The following ALDH2 variants were observed in gnomAD, a reference collection of about 807,000 sequenced individuals.
ALDH2 encodes aldehyde dehydrogenase 2 family member, also known as aldehyde dehydrogenase, mitochondrial.
ALDH2 carries 44 observed loss-of-function variants against 59.6 expected under a neutral mutation model. The observed-to-expected ratio is 0.74, with a 90% confidence interval of 0.58 to 0.95. The LOEUF is 0.95. Ranked by LOEUF, ALDH2 falls within the 40% of genes least tolerant of loss-of-function variation. The probability of loss-of-function intolerance (pLI) is 0.00; values close to 1 mark genes in which losing one functional copy is unlikely to be tolerated. For missense variants in ALDH2, 570 were observed against 696.3 expected (o/e 0.82, Z 2.04); for synonymous variants, 291 against 284.0 (o/e 1.02, Z -0.25).
intron 1 of ALDH2, among the ~76,000 whole-genome samples, chr12:111,773,922 T>C (rs1282972897): frequency 6.6e-6 from 1 of 152,206 alleles, no homozygotes; most frequent in Non-Finnish European, 1.5e-5. Context: ...GGTAAAGGGT[T>C]GCTTAATGAG....
chr12:111,768,351 G>A (rs892355696), intron 1 of ALDH2, among the ~76,000 whole-genome samples: 1 of 152,238 alleles, frequency 6.6e-6, no homozygotes, highest in African/African-American at 2.4e-5. Flanking sequence ...CCTGAGTGTG[G>A]CTGCAAATCT....
At chr12:111,789,721 A>G in intron 4 of ALDH2, 102 bp from the exon 5 acceptor site, 1 of 984,030 alleles carries the variant, frequency 1.0e-6, no homozygotes, top group South Asian at 1.5e-5. Context: ...GACAGTTTTC[A>G]GAAAGACTCA....
Position 111,783,231 on chromosome 12 carries a change from C to T in ALDH2, c.293C>T (p.Ala98Val). Residue 98 changes from alanine (A) to valine (V), a missense_variant, in exon 3 of 13, where the codon GCA becomes GTA. Physicochemically the swap from Ala to Val is moderately conservative, Grantham distance 64. Coordinates refer to ENST00000261733, the MANE Select transcript of ALDH2 (RefSeq NM_000690.4). ...QLGSPWRRMD[A>V]SHRGRLLNRL... is the part of the protein sequence containing the mutation. ...GGCTCACCTTGGCGCCGCATGGACGCATCACACAGGGGCCGGCTGCTGAAC... is the reference window on the plus strand; with the variant it reads ...GGCTCACCTTGGCGCCGCATGGACGTATCACACAGGGGCCGGCTGCTGAAC... The T allele has an allele frequency of 6.2e-6, 10 of 1,613,566 alleles. No individual in the cohort carries two copies. Among genetic ancestry groups the T allele is most frequent in the Non-Finnish European group, 7.6e-6 (9 of 1,179,754 alleles).
At chr12:111,788,258 G>A (rs1277630384) in intron 4 of ALDH2, among the ~76,000 whole-genome samples, 1 of 152,128 alleles carries the variant, frequency 6.6e-6, no homozygotes, top group East Asian at 1.9e-4. Flanking sequence ...TTCACAACAG[G>A]TGCACACAGC....
At position 111,784,265 on chromosome 12, in the gene ALDH2, TGTG is replaced by T. The variant is rs2068294407; in HGVS notation, c.360+971_360+973del. On this transcript the variant is annotated intron_variant, in intron 3 of 12. Coordinates refer to ENST00000261733, the MANE Select transcript of ALDH2 (RefSeq NM_000690.4). ...GGAGTTCAAGGCTGCAGTGAGCTGT[TGTG>T]GTGCCACTGCGCTCCAGCCTGGGCA... Among the ~76,000 whole-genome samples, 6 of 152,220 alleles carry T rather than the reference TGTG, an allele frequency of 3.9e-5. No individual in the cohort carries two copies. In the South Asian group the frequency reaches 1.2e-3, roughly 32 times the overall value.
chr12:111,776,299 C>T (rs1209132698), intron 1 of ALDH2, among the ~76,000 whole-genome samples: 1 of 152,188 alleles, frequency 6.6e-6, no homozygotes, highest in Non-Finnish European at 1.5e-5. Context: ...TACGAGAGAG[C>T]TGCAGGATCT....
intron 5 of ALDH2, 75 bp from the exon 6 acceptor site, chr12:111,790,359 G>A: frequency 6.3e-7 from 1 of 1,595,646 alleles, no homozygotes; most frequent in Non-Finnish European, 8.6e-7. Flanking sequence ...TGCCCTCTGG[G>A]GTTGCCACCT....
intron 9 of ALDH2, among the ~76,000 whole-genome samples, chr12:111,797,590 G>A (rs2068415191): frequency 6.7e-6 from 1 of 148,198 alleles, no homozygotes. Context: ...GACAGAGTGA[G>A]ACCCCATCTC....
At chr12:111,805,055 G>C (rs2068483463) in intron 12 of ALDH2, among the ~76,000 whole-genome samples, 1 of 151,972 alleles carries the variant, frequency 6.6e-6, no homozygotes, top group Non-Finnish European at 1.5e-5. Flanking sequence ...CCCAATCAAG[G>C]AGTAACAGGT....
rs572001362 is a variant in ALDH2, at chr12:111,809,852, A to ACGCTT, written c.*279_*283dup. On this transcript the variant is annotated 3_prime_UTR_variant, in exon 13 of 13. Coordinates refer to ENST00000261733, the MANE Select transcript of ALDH2 (RefSeq NM_000690.4). ...TCAAATGTGTTATCCTCTCTCTGAAACGCTTCCTATAACTCGAGTTTATAG... is the reference window on the plus strand; with the variant it reads ...TCAAATGTGTTATCCTCTCTCTGAAACGCTTCGCTTCCTATAACTCGAGTTTATAG... 24 of 501,866 alleles carry ACGCTT rather than the reference A, an allele frequency of 4.8e-5. 1 individual carries two copies. The Admixed American group carries it at 8.2e-4, about 17-fold the overall frequency. The allele number at this position is 501,866 out of a possible 1,614,324, so 31.1% of individuals were successfully genotyped here. A position where few individuals can be genotyped will look rare whatever the true frequency, so the allele number is the denominator to read the frequency against.
At chr12:111,807,376 C>T (rs931043560) in intron 12 of ALDH2, among the ~76,000 whole-genome samples, 2 of 152,176 alleles carry the variant, frequency 1.3e-5, no homozygotes, top group African/African-American at 4.8e-5. Context: ...ACTGTATACC[C>T]CACCCACTTC....
Position 111,766,956 on chromosome 12 carries a change from C to A in ALDH2, c.-27C>A. The A allele has an allele frequency of 1.3e-6, 2 of 1,513,178 alleles. No homozygotes were observed. Among genetic ancestry groups the A allele is most frequent in the South Asian group, 2.4e-5 (2 of 82,266 alleles). 93.7% of individuals were successfully genotyped at this position (1,513,178 alleles called of 1,614,324 possible). The stretch of plus-strand genomic sequence containing the variant: ...CTGAGACCCTAGCTCTGCTCTCGGT[C>A]CGCTCGCTGTCCGCTAGCCCGCTGC... On this transcript the variant is annotated 5_prime_UTR_variant, in exon 1 of 13. Transcript: ENST00000261733.
intron 10 of ALDH2, 21 bp from the exon 11 acceptor site, chr12:111,799,885 T>A (rs1420518057): frequency 1.2e-6 from 2 of 1,609,960 alleles, no homozygotes; most frequent in East Asian, 2.2e-5. Context: ...CGAACCCTCC[T>A]ACGCTGCTCT....
chr12:111,795,133 C>T lies in ALDH2; in HGVS notation c.1083+2351C>T, dbSNP rs548852503. 4.6e-5 allele frequency among the ~76,000 whole-genome samples: 7 copies of T among 152,252 alleles called. No individual in the cohort carries two copies. In the East Asian group the frequency reaches 1.2e-3, roughly 25 times the overall value. ...AAGTAGCCATGTTTTAAAGGTTCAT[C>T]CATGTTGTAATAAGAATGTATCAGA... is the stretch of plus-strand genomic sequence containing the variant. On this transcript the variant is annotated intron_variant, in intron 9 of 12. Transcript: ENST00000261733.
In ALDH2 at chr12:111,792,158, C is replaced by T; in HGVS notation, c.893C>T (p.Ala298Val). ...GKSPNIIMSD[A>V]DMDWAVEQAH... ...AGCCCCAACATCATCATGTCAGATG[C>T]CGATAGTGAGTTTCCAGCTGGAGAA... is the stretch of plus-strand genomic sequence containing the variant. The change falls in exon 8 of 13, where the codon GCC becomes GTC. Residue 298 changes from alanine (A) to valine (V), a missense_variant. Physicochemically the swap from Ala to Val is moderately conservative, Grantham distance 64. Coordinates refer to ENST00000261733, the MANE Select transcript of ALDH2 (RefSeq NM_000690.4). 1 of 1,599,728 alleles carries T rather than the reference C, an allele frequency of 6.3e-7. No homozygotes were observed. The highest frequency in any genetic ancestry group is 8.5e-7 in the Non-Finnish European group (1 of 1,175,712).
chr12:111,804,381 G>A (rs1380745546), intron 12 of ALDH2, among the ~76,000 whole-genome samples: 1 of 152,228 alleles, frequency 6.6e-6, no homozygotes, highest in Admixed American at 6.5e-5. Context: ...CCTGAGAAGA[G>A]GGAGAGACTT....
At chr12:111,794,222 G>T (rs1262785943) in intron 9 of ALDH2, among the ~76,000 whole-genome samples, 1 of 151,926 alleles carries the variant, frequency 6.6e-6, no homozygotes, top group Non-Finnish European at 1.5e-5. Context: ...GTTTCACCAC[G>T]TTGGCCAGGA....
chr12:111,783,023 G>A (rs1040292023), intron 2 of ALDH2, 135 bp from the exon 3 acceptor site: 2 of 1,132,584 alleles, frequency 1.8e-6, no homozygotes, highest in Non-Finnish European at 2.5e-6. Context: ...GCCGGGCTAG[G>A]AGCATTGTTT....
intron 1 of ALDH2, among the ~76,000 whole-genome samples, chr12:111,774,778 G>C (rs1362445099): frequency 1.3e-5 from 2 of 152,114 alleles, no homozygotes; most frequent in African/African-American, 2.4e-5. Flanking sequence ...CGCCCCCAAG[G>C]TCCAGTTGTC....
Sources: gnomAD v4.1 joint callset for allele counts (sites outside exome capture counted in the v4.1 genomes callset) on GRCh38, gnomAD v4.1.1 for gene constraint, MANE v1.5 for transcripts, NCBI Gene and HGNC (gene_info 2026-07-23, HGNC 2026-07-21) for gene names.